KLHDC10: variants seen among roughly 807,000 people sequenced by gnomAD.
The protein encoded by KLHDC10 is kelch domain containing 10, also known as kelch domain-containing protein 10.
In KLHDC10, 24 loss-of-function variants were observed where a neutral mutation model predicts 56.1. That is an observed-to-expected ratio of 0.43 (90% CI 0.31 to 0.60). The LOEUF (loss-of-function observed/expected upper bound fraction) is 0.60. Among genes scored for constraint, KLHDC10 ranks in the 20% least tolerant of loss-of-function variants. The pLI is 0.11. For missense variants in KLHDC10, 349 were observed against 567.0 expected, an observed-to-expected ratio of 0.62 and a Z score of 3.91; for synonymous variants, 188 against 207.1, an observed-to-expected ratio of 0.91 and a Z score of 0.79.
intron 6 of KLHDC10, among the ~76,000 whole-genome samples, chr7:130,125,000 C>T (rs556350148): frequency 6.2e-4 from 95 of 152,328 alleles, no homozygotes; most frequent in African/African-American, 2.1e-3. Flanking sequence ...CATAGTCACA[C>T]ATCCCAGGGG....
At chr7:130,077,915 AT>A (rs1363500212) in intron 1 of KLHDC10, among the ~76,000 whole-genome samples, 1 of 152,026 alleles carries the variant, frequency 6.6e-6, no homozygotes, top group East Asian at 1.9e-4. Context: ...ATGCTATTAA[AT>A]TTTGAGTATT....
At chr7:130,073,912 T>G (rs1795459678) in intron 1 of KLHDC10, among the ~76,000 whole-genome samples, 1 of 152,150 alleles carries the variant, frequency 6.6e-6, no homozygotes, top group South Asian at 2.1e-4. Context: ...CTCACTTAGG[T>G]CTCCTGCAGG....
At chr7:130,087,012 A>G (rs1483532240) in intron 1 of KLHDC10, among the ~76,000 whole-genome samples, 1 of 152,226 alleles carries the variant, frequency 6.6e-6, no homozygotes, top group Non-Finnish European at 1.5e-5. Context: ...GGGAACAGAT[A>G]CTATTGCTGT....
In KLHDC10 at chr7:130,077,912, T is replaced by C. The variant is rs374481012; in HGVS notation, c.166+7103T>C. Reference sequence around the variant, plus strand: ...GGTTGTTTGAATATGAGAATGCTATTAAATTTTGAGTATTAATTTTATACC... The same window carrying C: ...GGTTGTTTGAATATGAGAATGCTATCAAATTTTGAGTATTAATTTTATACC... On this transcript the variant is annotated intron_variant, in intron 1 of 9. Coordinates refer to ENST00000335420, the MANE Select transcript of KLHDC10 (RefSeq NM_014997.4). 5.9e-5 allele frequency among the ~76,000 whole-genome samples: 9 copies of C among 152,254 alleles called. No homozygotes were observed. In the East Asian group the frequency reaches 1.7e-3, roughly 29 times the overall value.
intron 3 of KLHDC10, among the ~76,000 whole-genome samples, chr7:130,119,386 C>A (rs1038166515): frequency 6.6e-6 from 1 of 151,826 alleles, no homozygotes; most frequent in African/African-American, 2.4e-5. Context: ...GTGGCACACA[C>A]CTGTAGTCCC....
intron 1 of KLHDC10, among the ~76,000 whole-genome samples, chr7:130,090,462 C>T (rs562976979): frequency 1.3e-5 from 2 of 151,964 alleles, no homozygotes; most frequent in South Asian, 4.2e-4. Context: ...GTGGCACATA[C>T]CTGTAGTCCC....
intron 1 of KLHDC10, among the ~76,000 whole-genome samples, chr7:130,087,983 A>G (rs1269768632): frequency 6.6e-6 from 1 of 151,730 alleles, no homozygotes; most frequent in Non-Finnish European, 1.5e-5. Flanking sequence ...CTGGTCTCGA[A>G]CTCCTGACCT....
At chr7:130,088,379 A>G (rs746653683) in intron 1 of KLHDC10, among the ~76,000 whole-genome samples, 3 of 151,640 alleles carry the variant, frequency 2.0e-5, no homozygotes, top group Non-Finnish European at 2.9e-5. Flanking sequence ...GGTTCAAGCA[A>G]TTCTCCTGCC....
chr7:130,070,898 A>G, intron 1 of KLHDC10, 89 bp downstream of exon 1: 1 of 986,502 alleles, frequency 1.0e-6, no homozygotes, highest in Non-Finnish European at 1.3e-6. Flanking sequence ...TTTCCTTGGG[A>G]GGAGGAAAGG....
At chr7:130,078,247 G>A (rs922314186) in intron 1 of KLHDC10, among the ~76,000 whole-genome samples, 4 of 151,816 alleles carry the variant, frequency 2.6e-5, no homozygotes, top group Non-Finnish European at 5.9e-5. Flanking sequence ...GGTAGTGCAT[G>A]CCTATAGTCC....
intron 1 of KLHDC10, among the ~76,000 whole-genome samples, chr7:130,096,632 A>C (rs1163796579): frequency 6.6e-6 from 1 of 152,192 alleles, no homozygotes; most frequent in African/African-American, 2.4e-5. Flanking sequence ...TTTTGCCACA[A>C]GATGGCATTG....
At chr7:130,070,886 C>T (rs2116822918) in intron 1 of KLHDC10, 77 bp downstream of exon 1, 2 of 1,135,290 alleles carry the variant, frequency 1.8e-6, no homozygotes, top group Non-Finnish European at 1.1e-6. Context: ...CCCTGGCTTG[C>T]TTTTCCTTGG....
chr7:130,082,764 G>T (rs1301360892), intron 1 of KLHDC10, among the ~76,000 whole-genome samples: 2 of 152,106 alleles, frequency 1.3e-5, no homozygotes, highest in Non-Finnish European at 2.9e-5. Context: ...TCTTACTAAG[G>T]TAATAACGTC....
chr7:130,070,675 G>A lies in KLHDC10; in HGVS notation c.32G>A (p.Arg11His). ...GCCGCCCAGGGCTGGGACAGGAACCGCCGGAGGGGAGGAGGCGCCGCCGGC... is the reference window on the plus strand; with the variant it reads ...GCCGCCCAGGGCTGGGACAGGAACCACCGGAGGGGAGGAGGCGCCGCCGGC... MSAAQGWDRN[R>H]RRGGGAAGAG... The change falls in exon 1 of 10, where the codon CGC becomes CAC. Residue 11 changes from arginine (R) to histidine (H), a missense_variant. Around this residue, in one of 2 missense-constraint regions of KLHDC10, gnomAD observed 104 missense variants for 97.0 expected, o/e 1.07. Transcript: ENST00000335420. 1 of 1,308,352 alleles carries A rather than the reference G, an allele frequency of 7.6e-7. No homozygotes were observed. 81.0% of individuals were successfully genotyped at this position (1,308,352 alleles called of 1,614,324 possible).
At position 130,132,711 on chromosome 7, in the gene KLHDC10, G is replaced by C. The variant is rs1275078393; in HGVS notation, c.*1965G>C. 6.6e-6 allele frequency: 1 copy of C among 152,278 alleles called. No homozygotes were observed. The highest frequency in any genetic ancestry group is 1.5e-5 in the Non-Finnish European group (1 of 68,092). The allele number at this position is 152,278 out of a possible 1,614,324, so 9.4% of individuals were successfully genotyped here. A position where few individuals can be genotyped will look rare whatever the true frequency, so the allele number is the denominator to read the frequency against. ...GTTCTCTCCCAGAGCAAGTCAGTCT[G>C]AGCAGCTCCATTAGTCCAAAACAGA... is the stretch of plus-strand genomic sequence containing the variant. On this transcript the variant is annotated 3_prime_UTR_variant, in exon 10 of 10. Transcript: ENST00000335420.
intron 1 of KLHDC10, among the ~76,000 whole-genome samples, chr7:130,091,484 G>A (rs1014125446): frequency 4.6e-5 from 7 of 152,128 alleles, no homozygotes; most frequent in South Asian, 4.1e-4. Flanking sequence ...ATTTGACTTG[G>A]CAATTGGCTC....
At chr7:130,127,500 C>T in intron 8 of KLHDC10, 49 bp downstream of exon 8, 1 of 1,287,540 alleles carries the variant, frequency 7.8e-7, no homozygotes, top group Non-Finnish European at 1.1e-6. Context: ...ATTGTATCTT[C>T]TGAAAATGTC....
intron 2 of KLHDC10, among the ~76,000 whole-genome samples, chr7:130,098,950 G>A (rs993394174): frequency 6.6e-6 from 1 of 152,160 alleles, no homozygotes; most frequent in Non-Finnish European, 1.5e-5. Flanking sequence ...GGTTGAGAAA[G>A]GTGGCCCCTG....
chr7:130,108,070 C>CA lies in KLHDC10; in HGVS notation c.254-8366dup, dbSNP rs1241868040. The stretch of plus-strand genomic sequence containing the variant: ...GGGAAAAAAAAAACAAAAAACAAAA[C>CA]AAAAAAAAACTAGCTGGTTGAGGTC... On this transcript the variant is annotated intron_variant, in intron 2 of 9. Transcript: ENST00000335420. 2.6e-3 allele frequency among the ~76,000 whole-genome samples: 383 copies of CA among 147,060 alleles called. 1 individual carries two copies. The highest frequency in any genetic ancestry group is 3.5e-3 in the Admixed American group (52 of 14,794).
Sources: allele counts gnomAD v4.1 joint callset (sites outside exome capture counted in the v4.1 genomes callset), GRCh38; gene constraint gnomAD v4.1.1; regional missense constraint gnomAD v4.1.1; transcripts MANE v1.5; gene names NCBI Gene and HGNC (gene_info 2026-07-23, HGNC 2026-07-21).